Variants in PLCE1 observed in about 807,000 individuals in gnomAD.
The protein encoded by PLCE1 is phospholipase C epsilon 1.
A neutral mutation model predicts 242.8 loss-of-function variants in PLCE1; 119 were observed. That is an observed-to-expected ratio of 0.49 (90% CI 0.42 to 0.57). PLCE1 has a LOEUF of 0.57. Ranked by LOEUF, PLCE1 falls within the 20% of genes least tolerant of loss-of-function variation. The pLI is 0.00. For synonymous variants in PLCE1, 945 were observed against 1,017.4 expected, an observed-to-expected ratio of 0.93 and a Z score of 1.35; for missense variants, 2,441 against 2,788.8, an observed-to-expected ratio of 0.88 and a Z score of 2.81.
chr10:94,206,824 G>A (rs2049171454), intron 4 of PLCE1, among the ~76,000 whole-genome samples: 1 of 152,090 alleles, frequency 6.6e-6, no homozygotes, highest in Admixed American at 6.5e-5. Flanking sequence ...GTGTTGTATT[G>A]AAAGTGTCCC....
At chr10:94,158,858 T>G (rs58815299) in intron 3 of PLCE1, among the ~76,000 whole-genome samples, 4,441 of 143,354 alleles carry the variant, frequency 0.031, 205 homozygotes, top group African/African-American at 0.091. Context: ...CTTTTTCTTT[T>G]TTTTTTTTTT....
At chr10:94,091,778 T>C (rs891467021) in intron 2 of PLCE1, among the ~76,000 whole-genome samples, 2 of 151,932 alleles carry the variant, frequency 1.3e-5, no homozygotes, top group African/African-American at 4.8e-5. Flanking sequence ...ATGGAAAATA[T>C]AGCAATAGAA....
intron 5 of PLCE1, among the ~76,000 whole-genome samples, chr10:94,232,417 C>T (rs2050176174): frequency 6.6e-6 from 1 of 152,118 alleles, no homozygotes; most frequent in Non-Finnish European, 1.5e-5. Context: ...TTCCTTTTCC[C>T]TGCAACTGGG....
At chr10:94,245,135 G>A (rs535280711) in intron 7 of PLCE1, among the ~76,000 whole-genome samples, 1 of 152,226 alleles carries the variant, frequency 6.6e-6, no homozygotes, top group East Asian at 1.9e-4. Context: ...AGGCAAACAA[G>A]CCTAACAATG....
intron 14 of PLCE1, among the ~76,000 whole-genome samples, chr10:94,263,183 TTTTTTTAACAAAATACCAAGTATG>T (rs1440280183): frequency 2.0e-5 from 3 of 151,736 alleles, no homozygotes; most frequent in Non-Finnish European, 2.9e-5. Flanking sequence ...TTTTGTTTTG[TTTTTTTAACAAAATACCAAGTATG>T]TTTTTTAACA....
intron 2 of PLCE1, among the ~76,000 whole-genome samples, chr10:94,046,430 C>G (rs1440512852): frequency 6.6e-6 from 1 of 152,172 alleles, no homozygotes; most frequent in African/African-American, 2.4e-5. Flanking sequence ...GCCAGGAACC[C>G]CAGGCTCATA....
intron 2 of PLCE1, among the ~76,000 whole-genome samples, chr10:94,071,962 G>A (rs1174322110): frequency 6.6e-6 from 1 of 152,124 alleles, no homozygotes; most frequent in Non-Finnish European, 1.5e-5. Flanking sequence ...ACCCTGGATG[G>A]TGTTTGAGTA....
chr10:94,221,651 C>T (rs1286939518), intron 4 of PLCE1, among the ~76,000 whole-genome samples: 1 of 152,158 alleles, frequency 6.6e-6, no homozygotes, highest in Admixed American at 6.5e-5. Flanking sequence ...AGGAGAATCA[C>T]TTGAACCCAG....
chr10:94,036,582 A>T (rs2061668063), intron 2 of PLCE1, among the ~76,000 whole-genome samples: 1 of 152,136 alleles, frequency 6.6e-6, no homozygotes, highest in African/African-American at 2.4e-5. Context: ...TCTCCTCCTC[A>T]TAAGAAATTA....
intron 4 of PLCE1, among the ~76,000 whole-genome samples, chr10:94,217,052 A>G (rs897578786): frequency 2.0e-5 from 3 of 150,816 alleles, no homozygotes; most frequent in African/African-American, 7.3e-5. Flanking sequence ...AATCTTCATA[A>G]AAGAGAAAAT....
chr10:94,127,341 G>C lies in PLCE1; in HGVS notation c.1207-4833G>C, dbSNP rs572331005. 2.0e-5 allele frequency among the ~76,000 whole-genome samples: 3 copies of C among 152,250 alleles called. No individual in the cohort carries two copies. The East Asian group carries it at 5.8e-4, about 29-fold the overall frequency. Reference sequence around the variant, plus strand: ...GTTGGACTGGCAAGTGGATGATCTAGGATCCAGGATGGTTTCATTATGTGT... The same window carrying C: ...GTTGGACTGGCAAGTGGATGATCTACGATCCAGGATGGTTTCATTATGTGT... On this transcript the variant is annotated intron_variant, in intron 2 of 32. Transcript: ENST00000371380.
intron 4 of PLCE1, among the ~76,000 whole-genome samples, chr10:94,177,611 G>A (rs2048164620): frequency 1.3e-5 from 2 of 152,060 alleles, no homozygotes; most frequent in Non-Finnish European, 2.9e-5. Flanking sequence ...CTCACTTCTT[G>A]ACCACCCACG....
At chr10:94,105,441 T>C (rs2045692352) in intron 2 of PLCE1, 2 of 152,224 alleles carry the variant, frequency 1.3e-5, no homozygotes, top group Non-Finnish European at 2.9e-5. Flanking sequence ...TAGGCACTTA[T>C]CACCACTCAC....
intron 27 of PLCE1, 47 bp from the exon 28 acceptor site, chr10:94,313,207 A>C: frequency 9.9e-6 from 16 of 1,610,000 alleles, no homozygotes; most frequent in Non-Finnish European, 1.3e-5. Context: ...AGAGCTTAGA[A>C]ATATGTGATT....
At chr10:94,101,386 A>G (rs1038733253) in intron 2 of PLCE1, among the ~76,000 whole-genome samples, 20 of 152,268 alleles carry the variant, frequency 1.3e-4, no homozygotes, top group African/African-American at 4.3e-4. Context: ...AGGTTGCAAA[A>G]TGGAAACAGA....
At chr10:94,004,993 C>T (rs1156378915) in intron 1 of PLCE1, among the ~76,000 whole-genome samples, 4 of 152,166 alleles carry the variant, frequency 2.6e-5, no homozygotes, top group Non-Finnish European at 5.9e-5. Flanking sequence ...TAAATTTTGA[C>T]GATGTTTTGT....
chr10:94,107,531 A>G (rs1156318272), intron 2 of PLCE1: 1 of 152,238 alleles, frequency 6.6e-6, no homozygotes, highest in Non-Finnish European at 1.5e-5. Context: ...AGGACAAGAG[A>G]AAGGTAGTAA....
chr10:94,027,195 G>T (rs1374633061), intron 1 of PLCE1, among the ~76,000 whole-genome samples: 1 of 152,032 alleles, frequency 6.6e-6, no homozygotes, highest in Non-Finnish European at 1.5e-5. Flanking sequence ...ACCCTCCCTG[G>T]AAATCACTCC....
chr10:94,187,103 A>T (rs1590207389), intron 4 of PLCE1, among the ~76,000 whole-genome samples: 1 of 152,026 alleles, frequency 6.6e-6, no homozygotes, highest in African/African-American at 2.4e-5. Flanking sequence ...AATTTGCCCA[A>T]TATCACATAG....
Sources: allele counts gnomAD v4.1 joint callset (sites outside exome capture counted in the v4.1 genomes callset), GRCh38; gene constraint gnomAD v4.1.1; transcripts MANE v1.5; gene names NCBI Gene and HGNC (gene_info 2026-07-23, HGNC 2026-07-21).